The following GFRA3 variants were observed in gnomAD, a reference collection of about 807,000 sequenced individuals.
The protein encoded by GFRA3 is GDNF family receptor alpha 3.
Under a neutral mutation model 40.0 loss-of-function variants are expected in GFRA3, and 24 were observed. The observed-to-expected ratio is 0.60, with a 90% CI of 0.43 to 0.84. The LOEUF (loss-of-function observed/expected upper bound fraction) is 0.84. Among genes scored for constraint, GFRA3 ranks in the 40% least tolerant of loss-of-function variants. The pLI is 0.00. For synonymous variants in GFRA3, 203 were observed against 213.5 expected, an observed-to-expected ratio of 0.95 and a Z score of 0.43; for missense variants, 405 against 530.6, an observed-to-expected ratio of 0.76 and a Z score of 2.33.
In GFRA3 at chr5:138,255,948, C is replaced by T. The variant is rs1581506945; in HGVS notation, c.785+1691G>A. Among the ~76,000 whole-genome samples, 3 of 150,458 alleles carry T rather than the reference C, an allele frequency of 2.0e-5. No individual in the cohort carries two copies. The Admixed American group carries it at 2.0e-4, about 10-fold the overall frequency. ...AAGAAGAAGAAAAAAACCAATCTGG[C>T]TGGGCACGGTGGCTCACACCTGTAA... On this transcript the variant is annotated intron_variant, in intron 4 of 7. Transcript: ENST00000274721.
intron 1 of GFRA3, among the ~76,000 whole-genome samples, chr5:138,272,835 C>T (rs1038176839): frequency 2.0e-5 from 3 of 152,076 alleles, no homozygotes; most frequent in East Asian, 1.9e-4. Flanking sequence ...GCCACTGCCA[C>T]GTCTATTTCA....
Position 138,253,866 on chromosome 5 carries a change from G to A in GFRA3, c.924C>T (p.Val308=), listed in dbSNP as rs1389962063. The A allele has an allele frequency of 6.8e-6, 11 of 1,613,910 alleles. No individual in the cohort carries two copies. The highest frequency in any genetic ancestry group is 2.5e-6 in the Non-Finnish European group (3 of 1,179,948). The change falls in exon 6 of 8, where the codon GTC becomes GTT. Residue 308 remains valine (V), a synonymous_variant. Coordinates refer to ENST00000274721, the MANE Select transcript of GFRA3 (RefSeq NM_001496.4). ...TGCAGCTTAAGGCAACACTGGTGTT[G>A]ACATTGCTGACAAAGTTGGGGGTCA... ...TAMTPNFVSN[V]NTSVALSCTC...
intron 2 of GFRA3, among the ~76,000 whole-genome samples, chr5:138,260,370 T>G (rs754050375): frequency 6.6e-6 from 1 of 152,212 alleles, no homozygotes; most frequent in Non-Finnish European, 1.5e-5. Flanking sequence ...CATAGAAGCC[T>G]CCAGCAGATG....
At chr5:138,270,033 A>C (rs1202062216) in intron 1 of GFRA3, among the ~76,000 whole-genome samples, 1 of 151,876 alleles carries the variant, frequency 6.6e-6, no homozygotes, top group Non-Finnish European at 1.5e-5. Context: ...ATGGAACAGA[A>C]ATTGTGATAG....
chr5:138,274,346 G>A lies in GFRA3; in HGVS notation c.79C>T (p.Pro27Ser). 7.4e-7 allele frequency: 1 copy of A among 1,344,600 alleles called. No individual in the cohort carries two copies. Among genetic ancestry groups the A allele is most frequent in the Non-Finnish European group, 9.6e-7 (1 of 1,042,942 alleles). The allele number at this position is 1,344,600 out of a possible 1,614,324, so 83.3% of individuals were successfully genotyped here. A position where few individuals can be genotyped will look rare whatever the true frequency, so the allele number is the denominator to read the frequency against. ...CTCTGACACTCACCGGCTGCGAGAG[G>A]CAGCGGCGACGGCGGCAGCAGCAGC... ...LLLLLPPSPL[P>S]LAAGDPLPTE... is the part of the protein sequence containing the mutation. The change falls in exon 1 of 8, where the codon CCT (proline) becomes TCT (serine). Residue 27 changes from proline to serine, a missense_variant. Transcript: ENST00000274721.
intron 4 of GFRA3, among the ~76,000 whole-genome samples, chr5:138,254,664 T>C (rs976000289): frequency 1.1e-4 from 16 of 152,230 alleles, no homozygotes; most frequent in African/African-American, 3.9e-4. Flanking sequence ...TTGGAACCCA[T>C]AGCATTTCAC....
rs764858583 is a variant in GFRA3, at chr5:138,257,909, T to C, written c.515A>G (p.Asn172Ser). ...CTTGCGCAGCCGGTCACACTTGTCATTGAGAGTACACAGCATGGCAAACTT... is the reference window on the plus strand; with the variant it reads ...CTTGCGCAGCCGGTCACACTTGTCACTGAGAGTACACAGCATGGCAAACTT... The part of the protein sequence containing the change: ...CLKFAMLCTL[N>S]DKCDRLRKAY... The change falls in exon 4 of 8, where the codon AAT (asparagine) becomes AGT (serine). Residue 172 changes from asparagine (N) to serine (S), a missense_variant. Physicochemically the swap from Asn to Ser is conservative, Grantham distance 46. Coordinates refer to ENST00000274721, the MANE Select transcript of GFRA3 (RefSeq NM_001496.4). The C allele has an allele frequency of 4.3e-6, 7 of 1,613,930 alleles. No homozygotes were observed. Among genetic ancestry groups the C allele is most frequent in the Admixed American group, 1.7e-5 (1 of 59,986 alleles).
intron 4 of GFRA3, among the ~76,000 whole-genome samples, chr5:138,256,758 C>G (rs1184333878): frequency 6.6e-6 from 1 of 151,602 alleles, no homozygotes; most frequent in Non-Finnish European, 1.5e-5. Context: ...ACCAGCCTGG[C>G]CAACATAGTG....
chr5:138,267,539 C>A (rs1029634845), intron 1 of GFRA3: 2 of 187,394 alleles, frequency 1.1e-5, no homozygotes, highest in Non-Finnish European at 2.3e-5. Context: ...CTTAGGGCCA[C>A]CACGAAGTCT....
intron 1 of GFRA3, among the ~76,000 whole-genome samples, chr5:138,274,080 G>C (rs1755914081): frequency 6.6e-6 from 1 of 152,094 alleles, no homozygotes; most frequent in African/African-American, 2.4e-5. Flanking sequence ...GAAGAGGGGG[G>C]AAAAAGGGGC....
intron 1 of GFRA3, 49 bp from the exon 2 acceptor site, chr5:138,264,597 C>T: frequency 7.9e-7 from 1 of 1,258,334 alleles, no homozygotes; most frequent in Non-Finnish European, 1.1e-6. Flanking sequence ...GAATAGCTGT[C>T]TGGGAATACC....
chr5:138,274,469 C>T lies in GFRA3; in HGVS notation c.-45G>A. On this transcript the variant is annotated 5_prime_UTR_variant, in exon 1 of 8. Coordinates refer to ENST00000274721, the MANE Select transcript of GFRA3 (RefSeq NM_001496.4). Reference sequence around the variant, plus strand: ...GCTCCGCGCTCCCCTCGCTCCTCCCCTGGAGCTCTGAGAGCGGGGCTCCCT... The same window carrying T: ...GCTCCGCGCTCCCCTCGCTCCTCCCTTGGAGCTCTGAGAGCGGGGCTCCCT... 1 of 1,261,594 alleles carries T rather than the reference C, an allele frequency of 7.9e-7. No homozygotes were observed. The highest frequency in any genetic ancestry group is 3.0e-5 in the South Asian group (1 of 32,968). 78.1% of individuals were successfully genotyped at this position (1,261,594 alleles called of 1,614,324 possible).
rs772736464 is a variant in GFRA3, at chr5:138,271,892, G to GTTTTT, written c.91+2437_91+2441dup. Among the ~76,000 whole-genome samples, 24 of 59,676 alleles carry GTTTTT rather than the reference G, an allele frequency of 4.0e-4. 2 individuals carry two copies. The highest frequency in any genetic ancestry group is 7.7e-4 in the Admixed American group (4 of 5,206). 39.1% of individuals were successfully genotyped at this position (59,676 alleles called of 152,430 possible). ...CATTCCCGGCAGTATTTTCTTTTCT[G>GTTTTT]TTTTTTTTTTTTTTTTTTTTTTGTG... On this transcript the variant is annotated intron_variant, in intron 1 of 7. Coordinates refer to ENST00000274721, the MANE Select transcript of GFRA3 (RefSeq NM_001496.4).
At position 138,257,736 on chromosome 5, in the gene GFRA3, G is replaced by C; in HGVS notation, c.688C>G (p.Arg230Gly). 1.9e-6 allele frequency: 3 copies of C among 1,609,438 alleles called. No homozygotes were observed. The highest frequency in any genetic ancestry group is 2.5e-6 in the Non-Finnish European group (3 of 1,177,988). Residue 230 changes from arginine (R) to glycine (G), a missense_variant, in exon 4 of 8, where the codon CGC (arginine) becomes GGC (glycine). Arg to Gly is a moderately radical substitution (Grantham distance 125). Coordinates refer to ENST00000274721, the MANE Select transcript of GFRA3 (RefSeq NM_001496.4). ...TTGGGGGCGATGGTGTTGCGCCGGC[G>C]CTCCCCGCAGCCCCGGTCGTTGGGG... Reference protein sequence around the residue: ...CAPNDRGCGERRRNTIAPNCA... With the variant: ...CAPNDRGCGEGRRNTIAPNCA...
intron 7 of GFRA3, 29 bp from the exon 8 acceptor site, chr5:138,253,086 C>A: frequency 7.6e-7 from 1 of 1,307,634 alleles, no homozygotes; most frequent in South Asian, 1.2e-5. Context: ...GGAGTTAGCT[C>A]AGGGGATTTT....
intron 1 of GFRA3, among the ~76,000 whole-genome samples, chr5:138,268,283 T>TAAAAA (rs757675985): frequency 9.6e-4 from 1 of 1,046 alleles, no homozygotes. Flanking sequence ...AGACTCCATC[T>TAAAAA]GAAAAAAAAA....
Position 138,264,421 on chromosome 5 carries a change from G to T in GFRA3, c.219C>A (p.Thr73=). ...HLDSCTSSIS[T]PLPSEEPSVP... ...CCGAAGGCTCCTCTGAGGGCAGTGG[G>T]GTGCTTATGCTAGAGGTGCAGGAAT... Residue 73 remains threonine, a synonymous_variant, in exon 2 of 8, where the codon ACC becomes ACA. Coordinates refer to ENST00000274721, the MANE Select transcript of GFRA3 (RefSeq NM_001496.4). 6.2e-7 allele frequency: 1 copy of T among 1,614,120 alleles called. No individual in the cohort carries two copies. The highest frequency in any genetic ancestry group is 8.5e-7 in the Non-Finnish European group (1 of 1,179,980).
At chr5:138,256,256 C>T (rs1242903767) in intron 4 of GFRA3, among the ~76,000 whole-genome samples, 3 of 144,164 alleles carry the variant, frequency 2.1e-5, no homozygotes, top group Non-Finnish European at 4.5e-5. Context: ...TCGCTGGGCA[C>T]GGTGGCTTAT....
At position 138,253,863 on chromosome 5, in the gene GFRA3, G is replaced by A; in HGVS notation, c.927C>T (p.Asn309=). ...AMTPNFVSNV[N]TSVALSCTCR... ...AGGTGCAGCTTAAGGCAACACTGGT[G>A]TTGACATTGCTGACAAAGTTGGGGG... Residue 309 remains asparagine (N), a synonymous_variant, in exon 6 of 8, where the codon AAC becomes AAT. Transcript: ENST00000274721. 2 of 1,614,082 alleles carry A rather than the reference G, an allele frequency of 1.2e-6. No homozygotes were observed. The highest frequency in any genetic ancestry group is 2.2e-5 in the South Asian group (2 of 91,080).
Sources: allele counts gnomAD v4.1 joint callset (sites outside exome capture counted in the v4.1 genomes callset), GRCh38; gene constraint gnomAD v4.1.1; transcripts MANE v1.5; gene names NCBI Gene and HGNC (gene_info 2026-07-23, HGNC 2026-07-21).